The following STRBP variants were observed in gnomAD, a reference collection of about 807,000 sequenced individuals.
The protein encoded by STRBP is spermatid perinuclear RNA binding protein, also known as spermatid perinuclear RNA-binding protein.
A neutral mutation model predicts 80.1 loss-of-function variants in STRBP; 13 were observed. The ratio of observed to expected loss-of-function variants is 0.16; its 90% confidence interval spans 0.11 to 0.26. STRBP has a LOEUF of 0.26. Ranked by LOEUF, STRBP falls within the 10% of genes least tolerant of loss-of-function variation. The pLI is 1.00. For synonymous variants in STRBP, 284 were observed against 291.2 expected, an observed-to-expected ratio of 0.98 and a Z score of 0.25; for missense variants, 485 against 815.2, an observed-to-expected ratio of 0.59 and a Z score of 4.93.
intron 2 of STRBP, among the ~76,000 whole-genome samples, chr9:123,207,438 G>GA (rs1481038245): frequency 3.3e-5 from 5 of 152,072 alleles, no homozygotes; most frequent in Non-Finnish European, 7.4e-5. Flanking sequence ...ATATAAGCTT[G>GA]AAAAAACATA....
chr9:123,263,819 CTCAGTCAG>C (rs2041210116), intron 1 of STRBP, among the ~76,000 whole-genome samples: 1 of 151,826 alleles, frequency 6.6e-6, no homozygotes, highest in South Asian at 2.1e-4. Context: ...ATTCCAGTCA[CTCAGTCAG>C]TAATCAATTT....
intron 2 of STRBP, among the ~76,000 whole-genome samples, chr9:123,201,563 C>T (rs1417586298): frequency 6.6e-6 from 1 of 152,118 alleles, no homozygotes; most frequent in Non-Finnish European, 1.5e-5. Context: ...ACTTCTTTGA[C>T]TAGTACAAAC....
At position 123,122,839 on chromosome 9, in the gene STRBP, C is replaced by T. The variant is rs1017170543; in HGVS notation, c.*2758G>A. On this transcript the variant is annotated 3_prime_UTR_variant, in exon 19 of 19. Coordinates refer to ENST00000348403, the MANE Select transcript of STRBP (RefSeq NM_018387.5). ...CTGTCAGAACATAGCACAGCTCACA[C>T]GCTAATTTTAAGCTCTACACTGACC... 1.8e-5 allele frequency: 18 copies of T among 985,516 alleles called. No homozygotes were observed. Among genetic ancestry groups the T allele is most frequent in the African/African-American group, 5.2e-5 (3 of 57,144 alleles). The allele number at this position is 985,516 out of a possible 1,614,324, so 61.0% of individuals were successfully genotyped here. A position where few individuals can be genotyped will look rare whatever the true frequency, so the allele number is the denominator to read the frequency against.
At chr9:123,195,096 A>T (rs993132698) in intron 2 of STRBP, among the ~76,000 whole-genome samples, 3 of 152,166 alleles carry the variant, frequency 2.0e-5, no homozygotes, top group African/African-American at 7.2e-5. Flanking sequence ...TTTAATAAGC[A>T]TCTTAAACCT....
intron 1 of STRBP, among the ~76,000 whole-genome samples, chr9:123,267,229 C>T (rs1280928762): frequency 2.6e-5 from 4 of 151,526 alleles, no homozygotes; most frequent in African/African-American, 7.3e-5. Flanking sequence ...CCTCACCCTC[C>T]GTCCTACCTC....
At chr9:123,119,790 C>T (rs988866706), downstream of STRBP, among the ~76,000 whole-genome samples, 5 of 152,164 alleles carry the variant, frequency 3.3e-5, no homozygotes, top group Non-Finnish European at 7.4e-5. Context: ...TGTATTAACT[C>T]ATCTAATTCC....
intron 12 of STRBP, among the ~76,000 whole-genome samples, chr9:123,147,437 A>C (rs1345170168): frequency 2.6e-5 from 4 of 152,178 alleles, no homozygotes; most frequent in Admixed American, 2.0e-4. Context: ...GCACTTGGAG[A>C]GGCCAAGGGG....
chr9:123,267,402 A>C (rs1245211924), intron 1 of STRBP, among the ~76,000 whole-genome samples: 3 of 151,028 alleles, frequency 2.0e-5, no homozygotes, highest in African/African-American at 7.3e-5. Context: ...GCAAGCCCTC[A>C]AACTAAGTCT....
At chr9:123,261,926 G>A (rs2041168489) in intron 1 of STRBP, among the ~76,000 whole-genome samples, 2 of 152,166 alleles carry the variant, frequency 1.3e-5, no homozygotes, top group Admixed American at 6.5e-5. Flanking sequence ...ATGATTAGAT[G>A]CAATGTTTAA....
chr9:123,255,189 T>C (rs1479188017), intron 1 of STRBP, among the ~76,000 whole-genome samples: 2 of 152,228 alleles, frequency 1.3e-5, no homozygotes, highest in Non-Finnish European at 2.9e-5. Flanking sequence ...GAAAGCTACA[T>C]CCTCTGATAT....
At chr9:123,230,338 C>A (rs2040363135) in intron 2 of STRBP, among the ~76,000 whole-genome samples, 1 of 152,224 alleles carries the variant, frequency 6.6e-6, no homozygotes. Flanking sequence ...CGTAACTTGA[C>A]ATTGAATTGT....
In STRBP at chr9:123,110,565, C is replaced by T. The variant is rs2035548475; in HGVS notation, c.*85-812G>A. The T allele has an allele frequency of 5.9e-6, 1 of 169,538 alleles. No homozygotes were observed. Among genetic ancestry groups the T allele is most frequent in the Non-Finnish European group, 1.5e-5 (1 of 68,336 alleles). The allele number at this position is 169,538 out of a possible 1,614,324, so 10.5% of individuals were successfully genotyped here. A position where few individuals can be genotyped will look rare whatever the true frequency, so the allele number is the denominator to read the frequency against. On this transcript the variant is annotated intron_variant and NMD_transcript_variant, in intron 3 of 3. Transcript: ENST00000471564. This position sits in a 1 kb window ranked among gnomAD's most constrained non-coding sequence, Gnocchi z 4.1. The stretch of plus-strand genomic sequence containing the variant: ...AAAACGGGATAAACACTGCTAGGAG[C>T]TAAAAAGTATATGGTGTCTGCCCAA...
At chr9:123,248,940 T>A (rs2040857500) in intron 1 of STRBP, among the ~76,000 whole-genome samples, 1 of 152,268 alleles carries the variant, frequency 6.6e-6, no homozygotes, top group Admixed American at 6.5e-5. Flanking sequence ...TACACTGCTC[T>A]GTCTATAAAA....
At chr9:123,121,115 G>A (rs1024614923), downstream of STRBP, among the ~76,000 whole-genome samples, 9 of 152,222 alleles carry the variant, frequency 5.9e-5, no homozygotes, top group South Asian at 8.3e-4. Flanking sequence ...GGACTGGATC[G>A]CACTCAGTAC....
chr9:123,132,200 G>C (rs1031210465), intron 17 of STRBP, among the ~76,000 whole-genome samples: 2 of 152,164 alleles, frequency 1.3e-5, no homozygotes, highest in African/African-American at 4.8e-5. Context: ...CTGTGGTTTA[G>C]TGGTTGCTTC....
rs1471428155 is a variant in STRBP, at chr9:123,124,584, T to C, written c.*1013A>G. ...GTTGCTGCTTTAGATTCTGATGTAA[T>C]TGAAGAGGAAAGGAGACCCTTCAAT... On this transcript the variant is annotated 3_prime_UTR_variant, in exon 19 of 19. Coordinates refer to ENST00000348403, the MANE Select transcript of STRBP (RefSeq NM_018387.5). The C allele has an allele frequency of 1.2e-5, 12 of 985,392 alleles. No homozygotes were observed. The highest frequency in any genetic ancestry group is 1.0e-3 in the Middle Eastern group (2 of 1,914). The allele number at this position is 985,392 out of a possible 1,614,324, so 61.0% of individuals were successfully genotyped here.
rs1564257229 is a variant in STRBP at position 123,166,763 on chromosome 9, AC to A, written c.535+3138del. On this transcript the variant is annotated intron_variant, in intron 6 of 18. Transcript: ENST00000348403. ...AGCAAGACTGTCTCCAGCAACAACA[AC>A]AACAACAACAACAACAACAACAACA... is the stretch of plus-strand genomic sequence containing the variant. Among the ~76,000 whole-genome samples, 15 of 4,950 alleles carry A rather than the reference AC, an allele frequency of 3.0e-3. No individual in the cohort carries two copies. The Non-Finnish European group carries it at 0.047, about 16-fold the overall frequency. The allele number at this position is 4,950 out of a possible 152,430, so 3.2% of individuals were successfully genotyped here.
chr9:123,128,852 G>A (rs2036008294), intron 17 of STRBP, among the ~76,000 whole-genome samples: 1 of 152,176 alleles, frequency 6.6e-6, no homozygotes, highest in African/African-American at 2.4e-5. Flanking sequence ...TTCAATTTCT[G>A]GCCCAAGTAC....
At chr9:123,209,509 T>C (rs2039635551) in intron 2 of STRBP, among the ~76,000 whole-genome samples, 1 of 152,254 alleles carries the variant, frequency 6.6e-6, no homozygotes, top group Admixed American at 6.5e-5. Context: ...GTTATTTTTG[T>C]GATGCCTACA....
Sources: allele counts gnomAD v4.1 joint callset (sites outside exome capture counted in the v4.1 genomes callset), GRCh38; gene constraint gnomAD v4.1.1; non-coding constraint Gnocchi (gnomAD v3.1); transcripts MANE v1.5; gene names NCBI Gene and HGNC (gene_info 2026-07-23, HGNC 2026-07-21).